Variants in MAGI2 observed in about 807,000 individuals in gnomAD.
The protein encoded by MAGI2 is membrane associated guanylate kinase, WW and PDZ domain containing 2, also known as membrane-associated guanylate kinase, WW and PDZ domain-containing protein 2.
A neutral mutation model predicts 133.3 loss-of-function variants in MAGI2; 35 were observed. The ratio of observed to expected loss-of-function variants is 0.26; its 90% CI spans 0.20 to 0.35. The LOEUF (loss-of-function observed/expected upper bound fraction) is 0.35. MAGI2 is among the 10% of genes least tolerant of loss of function. The probability of loss-of-function intolerance (pLI) is 1.00; values close to 1 mark genes in which losing one functional copy is unlikely to be tolerated. For synonymous variants in MAGI2, 729 were observed against 710.6 expected (o/e 1.03, Z -0.41); for missense variants, 1,636 against 1,863.4 (o/e 0.88, Z 2.25).
At chr7:78,627,478 T>C (rs1808494104) in intron 2 of MAGI2, among the ~76,000 whole-genome samples, 1 of 152,214 alleles carries the variant, frequency 6.6e-6, no homozygotes. Flanking sequence ...CCATGGGATA[T>C]GGCTGCGTAT....
chr7:78,556,234 C>T (rs1799811641), intron 3 of MAGI2, among the ~76,000 whole-genome samples: 1 of 152,120 alleles, frequency 6.6e-6, no homozygotes, highest in African/African-American at 2.4e-5. Context: ...GAATGACTTA[C>T]AGGGGTCAAC....
intron 10 of MAGI2, among the ~76,000 whole-genome samples, chr7:78,215,631 C>T (rs1315107102): frequency 6.6e-6 from 1 of 152,140 alleles, no homozygotes; most frequent in African/African-American, 2.4e-5. Context: ...TGATCAACTG[C>T]TGCCTGGAGT....
chr7:78,808,489 C>T (rs1033786771), intron 2 of MAGI2, among the ~76,000 whole-genome samples: 3 of 152,214 alleles, frequency 2.0e-5, no homozygotes, highest in African/African-American at 7.2e-5. Context: ...ATCTCTTGAC[C>T]TCGTGATCCG....
At chr7:79,022,833 C>CAAATTCTG (rs1809482396) in intron 1 of MAGI2, among the ~76,000 whole-genome samples, 1 of 152,050 alleles carries the variant, frequency 6.6e-6, no homozygotes, top group Non-Finnish European at 1.5e-5. Flanking sequence ...AGACCAATAA[C>CAAATTCTG]AAATTCTGAA....
intron 1 of MAGI2, among the ~76,000 whole-genome samples, chr7:79,361,281 T>G (rs1409775152): frequency 6.6e-6 from 1 of 152,078 alleles, no homozygotes. Flanking sequence ...ACTTCAATAC[T>G]GATACAGGAG....
intron 2 of MAGI2, among the ~76,000 whole-genome samples, chr7:78,955,684 C>T (rs1179785476): frequency 2.2e-5 from 3 of 136,846 alleles, no homozygotes; most frequent in Non-Finnish European, 4.7e-5. Context: ...TTCCTCCCTC[C>T]CTCCCTTTCT....
intron 2 of MAGI2, among the ~76,000 whole-genome samples, chr7:78,986,030 G>T (rs937746294): frequency 6.6e-6 from 1 of 152,012 alleles, no homozygotes; most frequent in Non-Finnish European, 1.5e-5. Context: ...CATACTATCA[G>T]TTACTGCGCT....
At chr7:78,747,623 G>A (rs757530072) in intron 2 of MAGI2, among the ~76,000 whole-genome samples, 32 of 152,290 alleles carry the variant, frequency 2.1e-4, no homozygotes, top group Non-Finnish European at 4.3e-4. Flanking sequence ...TCAAGGGAGA[G>A]TAGTCCACTC....
intron 2 of MAGI2, among the ~76,000 whole-genome samples, chr7:78,692,747 A>C (rs1049897730): frequency 6.6e-6 from 1 of 152,138 alleles, no homozygotes; most frequent in African/African-American, 2.4e-5. Flanking sequence ...TGCTCTAATC[A>C]TTGAATTAAA....
At chr7:78,531,349 G>T (rs1052408111) in intron 3 of MAGI2, among the ~76,000 whole-genome samples, 1 of 151,746 alleles carries the variant, frequency 6.6e-6, no homozygotes, top group South Asian at 2.1e-4. Flanking sequence ...AAGTAGCTGG[G>T]GCTACAGGCA....
intron 2 of MAGI2, among the ~76,000 whole-genome samples, chr7:78,628,447 T>C (rs1011795182): frequency 6.6e-6 from 1 of 152,108 alleles, no homozygotes; most frequent in Non-Finnish European, 1.5e-5. Context: ...GTCATGAAAA[T>C]AGCCAGTCGG....
chr7:78,665,447 T>G (rs887072385), intron 2 of MAGI2, among the ~76,000 whole-genome samples: 1 of 152,150 alleles, frequency 6.6e-6, no homozygotes, highest in African/African-American at 2.4e-5. Context: ...CAATGAAAAC[T>G]TAATATACAT....
At chr7:78,248,386 C>A (rs1792019711) in intron 10 of MAGI2, among the ~76,000 whole-genome samples, 1 of 152,092 alleles carries the variant, frequency 6.6e-6, no homozygotes. Context: ...TACTATGAAC[C>A]ATTAACAAAA....
chr7:79,052,324 C>A (rs1812747687), intron 1 of MAGI2, among the ~76,000 whole-genome samples: 1 of 152,142 alleles, frequency 6.6e-6, no homozygotes, highest in South Asian at 2.1e-4. Flanking sequence ...GGGACCTGTG[C>A]AAAATAAAAA....
chr7:78,659,960 C>T (rs1349472680), intron 2 of MAGI2, among the ~76,000 whole-genome samples: 3 of 152,130 alleles, frequency 2.0e-5, no homozygotes, highest in African/African-American at 2.4e-5. Context: ...ACGATGAGTT[C>T]GTGTCCTTTT....
At chr7:78,031,920 TA>T (rs1809612065) in intron 21 of MAGI2, among the ~76,000 whole-genome samples, 1 of 151,682 alleles carries the variant, frequency 6.6e-6, no homozygotes, top group Non-Finnish European at 1.5e-5. Flanking sequence ...GGCTTGGGCA[TA>T]AGATTAGTTC....
intron 2 of MAGI2, among the ~76,000 whole-genome samples, chr7:78,865,719 A>G (rs1370713168): frequency 2.0e-5 from 3 of 152,234 alleles, no homozygotes; most frequent in African/African-American, 7.2e-5. Context: ...GAATGGGAAA[A>G]CAGAATCTTA....
intron 1 of MAGI2, among the ~76,000 whole-genome samples, chr7:79,269,141 G>T (rs945454364): frequency 6.6e-6 from 1 of 152,180 alleles, no homozygotes; most frequent in African/African-American, 2.4e-5. Context: ...ATATACTGAA[G>T]TGAGGCATTG....
intron 20 of MAGI2, among the ~76,000 whole-genome samples, chr7:78,091,716 G>A (rs1454630261): frequency 6.6e-6 from 1 of 152,180 alleles, no homozygotes; most frequent in Non-Finnish European, 1.5e-5. Flanking sequence ...TTATGAAGTT[G>A]CTTCAGCATT....
Sources: allele counts gnomAD v4.1 joint callset (sites outside exome capture counted in the v4.1 genomes callset), GRCh38; gene constraint gnomAD v4.1.1; transcripts MANE v1.5; gene names NCBI Gene and HGNC (gene_info 2026-07-23, HGNC 2026-07-21).